The following EPB41L2 variants were observed in gnomAD, a reference collection of about 807,000 sequenced individuals.
EPB41L2 encodes band 4.1-like protein 2.
In EPB41L2, 43 loss-of-function variants were observed where a neutral mutation model predicts 113.0. The ratio of observed to expected loss-of-function variants is 0.38; its 90% CI spans 0.30 to 0.49. The LOEUF is 0.49. EPB41L2 is among the 20% of genes least tolerant of loss of function. The probability of loss-of-function intolerance (pLI) is 0.95; values close to 1 mark genes in which losing one functional copy is unlikely to be tolerated. For synonymous variants in EPB41L2, 442 were observed against 436.7 expected (o/e 1.01, Z -0.15); for missense variants, 1,147 against 1,223.4 (o/e 0.94, Z 0.93).
intron 1 of EPB41L2, among the ~76,000 whole-genome samples, chr6:130,971,078 G>C (rs937399050): frequency 2.6e-5 from 4 of 152,044 alleles, no homozygotes; most frequent in African/African-American, 9.7e-5. Context: ...CGTTTTTGTA[G>C]AGATAGAGTC....
intron 18 of EPB41L2, 199 bp from the exon 19 acceptor site, chr6:130,858,442 T>C: frequency 2.1e-6 from 1 of 476,804 alleles, no homozygotes; most frequent in Non-Finnish European, 3.8e-6. Flanking sequence ...AATCTCCCAA[T>C]TCTTCAGTCC....
chr6:131,027,299 T>C (rs1210089681), intron 1 of EPB41L2, among the ~76,000 whole-genome samples: 1 of 152,210 alleles, frequency 6.6e-6, no homozygotes, highest in Non-Finnish European at 1.5e-5. Flanking sequence ...AAATCTGAAA[T>C]ATACTCAAGT....
chr6:131,022,981 T>C (rs1279823092), intron 1 of EPB41L2, among the ~76,000 whole-genome samples: 2 of 152,328 alleles, frequency 1.3e-5, no homozygotes, highest in South Asian at 2.1e-4. Flanking sequence ...AACCACCTTA[T>C]TTCCGTTACC....
chr6:131,026,468 G>C (rs1790886819), intron 1 of EPB41L2, among the ~76,000 whole-genome samples: 1 of 152,146 alleles, frequency 6.6e-6, no homozygotes, highest in Non-Finnish European at 1.5e-5. Context: ...TTTCTTGCTT[G>C]GGGGAGAGCA....
At chr6:130,889,248 C>T (rs1228682702) in intron 11 of EPB41L2, among the ~76,000 whole-genome samples, 1 of 151,798 alleles carries the variant, frequency 6.6e-6, no homozygotes, top group Non-Finnish European at 1.5e-5. Flanking sequence ...CCATACTAAT[C>T]ATTTTCTATT....
At chr6:130,974,399 A>G (rs1286007497) in intron 1 of EPB41L2, among the ~76,000 whole-genome samples, 1 of 152,136 alleles carries the variant, frequency 6.6e-6, no homozygotes, top group African/African-American at 2.4e-5. Flanking sequence ...TAAGATGCCT[A>G]CTTCTTAGCT....
At chr6:131,001,810 T>C (rs1457203029) in intron 1 of EPB41L2, among the ~76,000 whole-genome samples, 1 of 152,172 alleles carries the variant, frequency 6.6e-6, no homozygotes, top group Non-Finnish European at 1.5e-5. Flanking sequence ...CCTTAGACTT[T>C]CAAAACTAAA....
intron 1 of EPB41L2, among the ~76,000 whole-genome samples, chr6:130,965,407 A>G (rs1292250082): frequency 1.3e-5 from 2 of 151,342 alleles, no homozygotes; most frequent in Admixed American, 1.3e-4. Flanking sequence ...AAACACTCAT[A>G]ACATACAAAA....
chr6:130,875,681 C>T (rs918869045), intron 14 of EPB41L2, among the ~76,000 whole-genome samples: 58 of 152,120 alleles, frequency 3.8e-4, no homozygotes, highest in African/African-American at 1.3e-3. Flanking sequence ...GTGTCTGAAA[C>T]TTTCCAAGTA....
intron 1 of EPB41L2, among the ~76,000 whole-genome samples, chr6:131,043,270 C>A (rs559258000): frequency 6.6e-6 from 1 of 152,074 alleles, no homozygotes; most frequent in African/African-American, 2.4e-5. Flanking sequence ...CGCTGCACTC[C>A]AGCCTGGGTG....
chr6:130,982,312 C>CCAA (rs1779551526), intron 1 of EPB41L2, among the ~76,000 whole-genome samples: 1 of 152,058 alleles, frequency 6.6e-6, no homozygotes, highest in African/African-American at 2.4e-5. Flanking sequence ...ATTATGGCTT[C>CCAA]CAACAACAAC....
At chr6:130,866,332 T>A (rs1309861532) in intron 16 of EPB41L2, among the ~76,000 whole-genome samples, 1 of 152,254 alleles carries the variant, frequency 6.6e-6, no homozygotes, top group Non-Finnish European at 1.5e-5. Flanking sequence ...AGCAAATTAA[T>A]AGCCTAACAG....
intron 19 of EPB41L2, among the ~76,000 whole-genome samples, chr6:130,853,825 T>C (rs550616894): frequency 6.6e-6 from 1 of 152,304 alleles, no homozygotes; most frequent in Admixed American, 6.5e-5. Context: ...TTCCCCTTCT[T>C]TTTTGACATT....
At position 130,839,897 on chromosome 6, in the gene EPB41L2, A is replaced by G. The variant is rs1292504049; in HGVS notation, c.*707T>C. On this transcript the variant is annotated 3_prime_UTR_variant, in exon 20 of 20. Coordinates refer to ENST00000337057, the MANE Select transcript of EPB41L2 (RefSeq NM_001431.4). ...CTGTGGTGCGGCAGGGTCTCTAAGC[A>G]CAGTGCACAGTCAGTGAACTTCTTC... The G allele has an allele frequency of 6.6e-6, 1 of 152,212 alleles. No individual in the cohort carries two copies. Among genetic ancestry groups the G allele is most frequent in the African/African-American group, 2.4e-5 (1 of 41,454 alleles). The allele number at this position is 152,212 out of a possible 1,614,324, so 9.4% of individuals were successfully genotyped here.
chr6:130,997,497 T>C (rs537518413), intron 1 of EPB41L2, among the ~76,000 whole-genome samples: 4 of 152,294 alleles, frequency 2.6e-5, no homozygotes, highest in South Asian at 4.1e-4. Flanking sequence ...AGGGAACACA[T>C]ATCTACATTA....
In EPB41L2 at chr6:130,939,861, C is replaced by G. The variant is rs114021935; in HGVS notation, c.706-13152G>C. ...TTATTTTAGTATGTGACAAAACATGCTCATCGTTCAACTTTTATTAAGTAG... is the reference window on the plus strand; with the variant it reads ...TTATTTTAGTATGTGACAAAACATGGTCATCGTTCAACTTTTATTAAGTAG... On this transcript the variant is annotated intron_variant, in intron 3 of 19. Coordinates refer to ENST00000337057, the MANE Select transcript of EPB41L2 (RefSeq NM_001431.4). Among the ~76,000 whole-genome samples the G allele has an allele frequency of 8.0e-3, 1,224 of 152,310 alleles. 12 individuals are homozygous for G. Among genetic ancestry groups the G allele is most frequent in the African/African-American group, 0.026 (1,079 of 41,554 alleles).
intron 17 of EPB41L2, among the ~76,000 whole-genome samples, chr6:130,864,201 G>C (rs1209845937): frequency 6.6e-6 from 1 of 152,150 alleles, no homozygotes; most frequent in Non-Finnish European, 1.5e-5. Flanking sequence ...TGTTTGATGT[G>C]ATATATATTT....
chr6:131,036,200 G>C (rs945285534), intron 1 of EPB41L2, among the ~76,000 whole-genome samples: 1 of 152,082 alleles, frequency 6.6e-6, no homozygotes, highest in South Asian at 2.1e-4. Context: ...AGTGAAAGGA[G>C]GAAGGAATTC....
At chr6:130,941,435 T>G (rs911223787) in intron 3 of EPB41L2, among the ~76,000 whole-genome samples, 26 of 152,366 alleles carry the variant, frequency 1.7e-4, no homozygotes, top group African/African-American at 6.3e-4. Context: ...GTATCTTTCA[T>G]AAAAGTTGCT....
Sources: allele counts gnomAD v4.1 joint callset (sites outside exome capture counted in the v4.1 genomes callset), GRCh38; gene constraint gnomAD v4.1.1; transcripts MANE v1.5; gene names NCBI Gene and HGNC (gene_info 2026-07-23, HGNC 2026-07-21).